The following SPON1 variants were observed in gnomAD, a reference collection of about 807,000 sequenced individuals.
SPON1 encodes the protein spondin 1.
Under a neutral mutation model 111.7 loss-of-function variants are expected in SPON1, and 52 were observed. The observed-to-expected ratio is 0.47, with a 90% CI of 0.37 to 0.59. The LOEUF is 0.59. Ranked by LOEUF, SPON1 falls within the 20% of genes least tolerant of loss-of-function variation. SPON1 has a pLI of 0.00. For synonymous variants in SPON1, 410 were observed against 395.8 expected (o/e 1.04, Z -0.43); for missense variants, 957 against 1,068.5 (o/e 0.90, Z 1.46).
intron 6 of SPON1, among the ~76,000 whole-genome samples, chr11:14,181,927 T>A (rs1848238616): frequency 6.6e-6 from 1 of 152,252 alleles, no homozygotes; most frequent in Non-Finnish European, 1.5e-5. Context: ...TATGCATTTT[T>A]AAATTACTTA....
chr11:14,056,516 A>G (rs1554919193), intron 3 of SPON1, among the ~76,000 whole-genome samples: 1 of 152,182 alleles, frequency 6.6e-6, no homozygotes, highest in African/African-American at 2.4e-5. Context: ...TCCCATAAAG[A>G]ATATGAAGTG....
At position 14,112,565 on chromosome 11, in the gene SPON1, C is replaced by T. The variant is rs531672377; in HGVS notation, c.677-22855C>T. Among the ~76,000 whole-genome samples the T allele has an allele frequency of 2.0e-4, 31 of 152,300 alleles. No individual in the cohort carries two copies. In the East Asian group the frequency reaches 3.7e-3, roughly 18 times the overall value. ...ATGAAGTTAATTAATTTATGTAAAG[C>T]GCTCAGAAGAGCGCCTAGCATATAT... On this transcript the variant is annotated intron_variant, in intron 5 of 15. Transcript: ENST00000576479.
chr11:13,983,677 C>T lies in SPON1; in HGVS notation c.345+724C>T, dbSNP rs145316054. On this transcript the variant is annotated intron_variant, in intron 2 of 15. Coordinates refer to ENST00000576479, the MANE Select transcript of SPON1 (RefSeq NM_006108.4). ...CCCTTTCAGAGGTTTAGAAAAGAGC[C>T]GGCAAGTTGTCAGAACACATCCCAG... 2.1e-3 allele frequency among the ~76,000 whole-genome samples: 315 copies of T among 152,278 alleles called. 4 individuals are homozygous for T. The highest frequency in any genetic ancestry group is 7.1e-3 in the African/African-American group (296 of 41,560).
intron 6 of SPON1, among the ~76,000 whole-genome samples, chr11:14,181,724 A>G (rs2133887552): frequency 6.6e-6 from 1 of 152,310 alleles, no homozygotes; most frequent in Middle Eastern, 3.4e-3. Context: ...AAGAATGACA[A>G]GACCTAGTTG....
chr11:14,175,533 A>C (rs1848165458), intron 6 of SPON1, among the ~76,000 whole-genome samples: 1 of 152,126 alleles, frequency 6.6e-6, no homozygotes, highest in African/African-American at 2.4e-5. Flanking sequence ...AGAAAGACAA[A>C]TTCTTATTAC....
intron 2 of SPON1, among the ~76,000 whole-genome samples, chr11:13,986,906 T>C (rs1554910470): frequency 6.6e-6 from 1 of 152,226 alleles, no homozygotes; most frequent in Non-Finnish European, 1.5e-5. Context: ...TCCTTTTTTA[T>C]GGCTGCATAG....
At chr11:14,222,881 T>C (rs1198195777) in intron 6 of SPON1, among the ~76,000 whole-genome samples, 1 of 152,210 alleles carries the variant, frequency 6.6e-6, no homozygotes, top group Non-Finnish European at 1.5e-5. Flanking sequence ...AAAAGATGCA[T>C]GTAATTAACA....
At chr11:14,202,778 C>T (rs1848477051) in intron 6 of SPON1, among the ~76,000 whole-genome samples, 1 of 152,172 alleles carries the variant, frequency 6.6e-6, no homozygotes, top group Non-Finnish European at 1.5e-5. Context: ...TCACTCAACT[C>T]TCAGAGGGTA....
intron 6 of SPON1, chr11:14,224,839 C>A: frequency 2.8e-6 from 1 of 353,314 alleles, no homozygotes; most frequent in South Asian, 2.5e-5. Flanking sequence ...ACCCCTAAAG[C>A]CAAAGGAAGA....
intron 1 of SPON1, 150 bp downstream of exon 1, chr11:13,963,292 C>A: frequency 5.2e-6 from 3 of 575,720 alleles, no homozygotes; most frequent in Non-Finnish European, 8.7e-6. Context: ...TGCCCTCGGC[C>A]CTTGCAGTCG....
rs529425469 is a variant in SPON1, at chr11:14,202,806, AG to A, written c.826-40525del. Reference sequence around the variant, plus strand: ...AGAGGGTAATCACTTCTTTGATTCAAGTTTCAAGGCCATCTCACTGTGGGCT... The same window carrying A: ...AGAGGGTAATCACTTCTTTGATTCAATTTCAAGGCCATCTCACTGTGGGCT... On this transcript the variant is annotated intron_variant, in intron 6 of 15. Transcript: ENST00000576479. Among the ~76,000 whole-genome samples, 13 of 152,242 alleles carry A rather than the reference AG, an allele frequency of 8.5e-5. No homozygotes were observed. In the South Asian group the frequency reaches 2.5e-3, roughly 29 times the overall value.
rs556878431 is a variant in SPON1, at chr11:13,989,056, G to T, written c.345+6103G>T. Among the ~76,000 whole-genome samples the T allele has an allele frequency of 1.4e-4, 21 of 152,232 alleles. No homozygotes were observed. In the Middle Eastern group the frequency reaches 0.01, roughly 74 times the overall value. On this transcript the variant is annotated intron_variant, in intron 2 of 15. Transcript: ENST00000576479. ...AGGTTTTGGTATCAGGATGATGCTG[G>T]CCTCATAAAATGAATTAGGGAGGAT...
At chr11:14,209,268 T>A (rs1314965021) in intron 6 of SPON1, among the ~76,000 whole-genome samples, 1 of 152,136 alleles carries the variant, frequency 6.6e-6, no homozygotes, top group African/African-American at 2.4e-5. Flanking sequence ...AGAAAAATAA[T>A]TTTTTTATTA....
chr11:14,256,524 A>G (rs369948199), intron 9 of SPON1, 93 bp from the exon 10 acceptor site: 32 of 828,464 alleles, frequency 3.9e-5, no homozygotes, highest in Middle Eastern at 4.5e-4. Context: ...TTGTATACAG[A>G]ATGGCGATTA....
At chr11:14,124,186 T>TCACA (rs147701989) in intron 5 of SPON1, among the ~76,000 whole-genome samples, 2 of 149,984 alleles carry the variant, frequency 1.3e-5, no homozygotes, top group Non-Finnish European at 3.0e-5. Context: ...ACACACACAC[T>TCACA]CACACACACA....
chr11:13,979,643 T>C (rs1554909374), intron 1 of SPON1, among the ~76,000 whole-genome samples: 1 of 152,192 alleles, frequency 6.6e-6, no homozygotes, highest in African/African-American at 2.4e-5. Flanking sequence ...TGTCCTCACC[T>C]GATGCAAGGC....
chr11:14,243,277 ATTG>A, intron 6 of SPON1, 52 bp from the exon 7 acceptor site: 1 of 1,510,146 alleles, frequency 6.6e-7, no homozygotes, highest in South Asian at 1.2e-5. Context: ...TCAAAGCCCT[ATTG>A]TTCCCATGAG....
chr11:14,175,722 A>T (rs1848167575), intron 6 of SPON1, among the ~76,000 whole-genome samples: 1 of 152,186 alleles, frequency 6.6e-6, no homozygotes, highest in Non-Finnish European at 1.5e-5. Context: ...CCAGGTTTCT[A>T]GGTTCCCTTT....
At chr11:13,980,063 CAG>C (rs1848132425) in intron 1 of SPON1, among the ~76,000 whole-genome samples, 1 of 150,336 alleles carries the variant, frequency 6.7e-6, no homozygotes, top group Admixed American at 6.6e-5. Context: ...TTTTTTTTGA[CAG>C]AGTCACGCTC....
Sources: allele counts gnomAD v4.1 joint callset (sites outside exome capture counted in the v4.1 genomes callset), GRCh38; gene constraint gnomAD v4.1.1; transcripts MANE v1.5; gene names NCBI Gene and HGNC (gene_info 2026-07-23, HGNC 2026-07-21).